The following PRKN variants were observed in gnomAD, a reference collection of about 807,000 sequenced individuals.
PRKN encodes the protein parkin RBR E3 ubiquitin protein ligase.
PRKN carries 56 observed loss-of-function variants against 59.5 expected under a neutral mutation model. The observed-to-expected ratio is 0.94, with a 90% CI of 0.76 to 1.18. The LOEUF (loss-of-function observed/expected upper bound fraction) is 1.18. Among genes scored for constraint, PRKN ranks in the 50% most tolerant of loss-of-function variants. The probability of loss-of-function intolerance (pLI) is 0.00; values close to 1 mark genes in which losing one functional copy is unlikely to be tolerated. For missense variants in PRKN, 657 were observed against 596.4 expected (o/e 1.10, Z -1.06); for synonymous variants, 250 against 222.1 (o/e 1.13, Z -1.12).
intron 1 of PRKN, among the ~76,000 whole-genome samples, chr6:162,631,586 T>A (rs1200462251): frequency 6.6e-6 from 1 of 152,168 alleles, no homozygotes. Context: ...AAATTCTGGA[T>A]ATTAGGCCTT....
At chr6:162,587,738 A>G (rs1264534350) in intron 1 of PRKN, among the ~76,000 whole-genome samples, 1 of 152,150 alleles carries the variant, frequency 6.6e-6, no homozygotes, top group Non-Finnish European at 1.5e-5. Flanking sequence ...TTTACCTTTA[A>G]GAATATCAAA....
chr6:161,397,340 A>G lies in PRKN; in HGVS notation c.1084-10463T>C, dbSNP rs1356244314. On this transcript the variant is annotated intron_variant, in intron 9 of 11. Transcript: ENST00000366898. This position sits in a 1 kb window ranked among gnomAD's most constrained non-coding sequence, Gnocchi z 4.2. ...GTACTCCATGATACAATGCACAATC[A>G]TGGGTTGAATTGAGTATTCTTGTGT... 6.6e-6 allele frequency among the ~76,000 whole-genome samples: 1 copy of G among 152,226 alleles called. No homozygotes were observed. The highest frequency in any genetic ancestry group is 1.5e-5 in the Non-Finnish European group (1 of 68,034).
chr6:161,731,809 G>A (rs1787724304), intron 7 of PRKN, among the ~76,000 whole-genome samples: 2 of 152,136 alleles, frequency 1.3e-5, no homozygotes, highest in Admixed American at 1.3e-4. Flanking sequence ...CAATTAACAT[G>A]GAAGACAAAT....
At chr6:162,032,336 T>C (rs1037461148) in intron 5 of PRKN, among the ~76,000 whole-genome samples, 3 of 152,138 alleles carry the variant, frequency 2.0e-5, no homozygotes, top group Admixed American at 6.6e-5. Flanking sequence ...TAAGATTACC[T>C]AGTCATATAC....
At chr6:161,652,570 T>C (rs754232495) in intron 7 of PRKN, among the ~76,000 whole-genome samples, 3 of 152,218 alleles carry the variant, frequency 2.0e-5, no homozygotes, top group Non-Finnish European at 2.9e-5. Context: ...TGTGTAGCGA[T>C]AAGGGATTAC....
chr6:162,025,245 C>T (rs1348691050), intron 5 of PRKN, among the ~76,000 whole-genome samples: 4 of 151,974 alleles, frequency 2.6e-5, no homozygotes, highest in Non-Finnish European at 2.9e-5. Context: ...CCTTGTGATC[C>T]GACCGCCTCG....
At chr6:161,509,498 G>A (rs79640689) in intron 9 of PRKN, among the ~76,000 whole-genome samples, 231 of 152,202 alleles carry the variant, frequency 1.5e-3, no homozygotes, top group African/African-American at 5.3e-3. Context: ...GCTGTTTAAA[G>A]GAGGGGATGG....
chr6:161,939,974 C>T (rs920333151), intron 6 of PRKN, among the ~76,000 whole-genome samples: 8 of 151,844 alleles, frequency 5.3e-5, no homozygotes, highest in Non-Finnish European at 8.8e-5. Context: ...TCTCGGCTCA[C>T]CGCAACCTCT....
intron 1 of PRKN, among the ~76,000 whole-genome samples, chr6:162,453,346 A>C (rs1229661834): frequency 6.6e-6 from 1 of 152,124 alleles, no homozygotes; most frequent in Non-Finnish European, 1.5e-5. Context: ...TCTCTCCCCA[A>C]CATACTCTTT....
intron 1 of PRKN, chr6:162,569,076 T>C (rs977616007): frequency 2.4e-5 from 16 of 672,196 alleles, no homozygotes; most frequent in Admixed American, 1.5e-4. Context: ...TTCCTGGACA[T>C]GGACAGCATC....
At chr6:161,657,589 A>G (rs1270065255) in intron 7 of PRKN, among the ~76,000 whole-genome samples, 1 of 152,162 alleles carries the variant, frequency 6.6e-6, no homozygotes, top group African/African-American at 2.4e-5. Flanking sequence ...AAAACATTCA[A>G]CGTTGCAACA....
intron 4 of PRKN, among the ~76,000 whole-genome samples, chr6:162,083,138 A>T (rs2128294055): frequency 6.6e-6 from 1 of 152,062 alleles, no homozygotes; most frequent in Admixed American, 6.5e-5. Context: ...GACTTTTAAT[A>T]GAGACGGGGT....
chr6:162,308,899 C>T (rs1173695650), intron 2 of PRKN, among the ~76,000 whole-genome samples: 1 of 151,336 alleles, frequency 6.6e-6, no homozygotes, highest in African/African-American at 2.4e-5. Flanking sequence ...GTTTTTTTTT[C>T]CTAGCATAGT....
At chr6:162,054,658 C>A (rs1777784768) in intron 4 of PRKN, among the ~76,000 whole-genome samples, 1 of 152,210 alleles carries the variant, frequency 6.6e-6, no homozygotes, top group Admixed American at 6.5e-5. Flanking sequence ...GGCATCCCAG[C>A]ACCTAGAGGA....
chr6:161,457,480 T>C lies in PRKN; in HGVS notation c.1084-70603A>G, dbSNP rs907931361. Among the ~76,000 whole-genome samples the C allele has an allele frequency of 9.9e-5, 15 of 152,238 alleles. No homozygotes were observed. Among genetic ancestry groups the C allele is most frequent in the Admixed American group, 2.0e-4 (3 of 15,278 alleles). On this transcript the variant is annotated intron_variant, in intron 9 of 11. Coordinates refer to ENST00000366898, the MANE Select transcript of PRKN (RefSeq NM_004562.3). The surrounding 1 kb of genome is among the most constrained non-coding windows in gnomAD (Gnocchi z 5.0). The stretch of plus-strand genomic sequence containing the variant: ...ACTGTATTCTGAAAGGATACATGGA[T>C]GTCATATAAATAACTCAAAATTCAT...
At chr6:162,665,210 G>C (rs952154032) in intron 1 of PRKN, among the ~76,000 whole-genome samples, 2 of 152,068 alleles carry the variant, frequency 1.3e-5, no homozygotes, top group African/African-American at 4.8e-5. Flanking sequence ...AAGAAATAAA[G>C]GGTATTCAAA....
At chr6:161,750,855 C>G (rs570745081) in intron 7 of PRKN, among the ~76,000 whole-genome samples, 68 of 151,200 alleles carry the variant, frequency 4.5e-4, no homozygotes, top group Non-Finnish European at 8.8e-4. Context: ...CATCATAGAG[C>G]AAGCAGATAA....
At chr6:162,383,030 A>G (rs967756175) in intron 2 of PRKN, among the ~76,000 whole-genome samples, 6 of 152,086 alleles carry the variant, frequency 3.9e-5, no homozygotes, top group African/African-American at 1.4e-4. Context: ...TTAATTCTAG[A>G]TCTCTTGCTA....
intron 7 of PRKN, among the ~76,000 whole-genome samples, chr6:161,727,799 A>C (rs1787508251): frequency 6.6e-6 from 1 of 152,200 alleles, no homozygotes; most frequent in South Asian, 2.1e-4. Context: ...TGCAACTTAC[A>C]AAAAGGTTTT....
Sources: allele counts gnomAD v4.1 joint callset (sites outside exome capture counted in the v4.1 genomes callset), GRCh38; gene constraint gnomAD v4.1.1; non-coding constraint Gnocchi (gnomAD v3.1); transcripts MANE v1.5; gene names NCBI Gene and HGNC (gene_info 2026-07-23, HGNC 2026-07-21).